The following RBFOX1 variants were observed in gnomAD, a reference collection of about 807,000 sequenced individuals.
RBFOX1 encodes the protein RNA binding fox-1 homolog 1.
In RBFOX1, 8 loss-of-function variants were observed where a neutral mutation model predicts 57.7. That is an observed-to-expected ratio of 0.14 (90% confidence interval 0.08 to 0.25). The LOEUF is 0.25. Among genes scored for constraint, RBFOX1 ranks in the 10% least tolerant of loss-of-function variants. The probability of loss-of-function intolerance (pLI) is 1.00; values close to 1 mark genes in which losing one functional copy is unlikely to be tolerated. For missense variants in RBFOX1, 611 were observed against 548.5 expected (o/e 1.11, Z -1.14); for synonymous variants, 326 against 222.4 (o/e 1.47, Z -4.15).
intron 2 of RBFOX1, among the ~76,000 whole-genome samples, chr16:6,569,653 C>T (rs1193548099): frequency 1.3e-5 from 2 of 152,190 alleles, no homozygotes; most frequent in African/African-American, 4.8e-5. Flanking sequence ...CCTTTCTGTC[C>T]ATGGGTGGTT....
chr16:6,597,704 C>A (rs1056228900), intron 2 of RBFOX1, among the ~76,000 whole-genome samples: 22 of 152,000 alleles, frequency 1.4e-4, no homozygotes, highest in Non-Finnish European at 1.9e-4. Context: ...AAACAGGGAC[C>A]CAATTCTGGC....
chr16:6,906,477 A>G (rs60384676), intron 3 of RBFOX1, among the ~76,000 whole-genome samples: 6,579 of 152,242 alleles, frequency 0.043, 498 homozygotes, highest in African/African-American at 0.15. Context: ...AATTTGAAAT[A>G]AGAGTGTATG....
intron 3 of RBFOX1, among the ~76,000 whole-genome samples, chr16:5,612,620 T>C (rs540769542): frequency 2.6e-5 from 4 of 152,190 alleles, no homozygotes; most frequent in Non-Finnish European, 5.9e-5. Context: ...TGAACTGAGC[T>C]CTCAAGGCCA....
chr16:5,662,280 C>T (rs1281620381), intron 3 of RBFOX1, among the ~76,000 whole-genome samples: 2 of 152,104 alleles, frequency 1.3e-5, no homozygotes, highest in African/African-American at 4.8e-5. Context: ...CTCCTTTATG[C>T]TCTTAGAACA....
At chr16:7,369,264 C>T (rs1324733473) in intron 4 of RBFOX1, among the ~76,000 whole-genome samples, 2 of 152,010 alleles carry the variant, frequency 1.3e-5, no homozygotes, top group African/African-American at 4.8e-5. Flanking sequence ...GTTCCTGCAG[C>T]TCTCGGGGGC....
intron 3 of RBFOX1, among the ~76,000 whole-genome samples, chr16:7,018,948 G>T (rs775047295): frequency 1.3e-5 from 2 of 152,034 alleles, no homozygotes; most frequent in African/African-American, 4.8e-5. Context: ...GTGAGACCTC[G>T]TCTCTACAAA....
chr16:7,090,496 TG>T (rs2060648715), intron 4 of RBFOX1, among the ~76,000 whole-genome samples: 1 of 152,202 alleles, frequency 6.6e-6, no homozygotes, highest in African/African-American at 2.4e-5. Context: ...AAAAATAGTG[TG>T]GCCCCATTAA....
intron 3 of RBFOX1, among the ~76,000 whole-genome samples, chr16:6,832,561 G>C (rs940153386): frequency 2.6e-5 from 4 of 152,200 alleles, no homozygotes; most frequent in African/African-American, 7.2e-5. Flanking sequence ...TGGGGTCTCA[G>C]GGGCTGGGTG....
intron 2 of RBFOX1, among the ~76,000 whole-genome samples, chr16:5,500,125 C>A (rs2043138080): frequency 6.9e-6 from 1 of 145,000 alleles, no homozygotes; most frequent in Admixed American, 6.8e-5. Flanking sequence ...TCCCTCCTTC[C>A]CTCCTTCCCT....
intron 3 of RBFOX1, among the ~76,000 whole-genome samples, chr16:6,708,449 G>T (rs1317992487): frequency 6.6e-6 from 1 of 152,114 alleles, no homozygotes; most frequent in East Asian, 1.9e-4. Flanking sequence ...TTTGTGAAAA[G>T]TGTTCCTTTC....
rs529014088 is a variant in RBFOX1 at position 7,710,058 on chromosome 16, A to G, written c.1072-565A>G. 334 of 1,001,858 alleles carry G rather than the reference A, an allele frequency of 3.3e-4. 3 individuals carry two copies. Among genetic ancestry groups the G allele is most frequent in the Admixed American group, 3.0e-4 (5 of 16,736 alleles). 62.1% of individuals were successfully genotyped at this position (1,001,858 alleles called of 1,614,324 possible). A position where few individuals can be genotyped will look rare whatever the true frequency, so the allele number is the denominator to read the frequency against. On this transcript the variant is annotated intron_variant, in intron 15 of 15. Coordinates refer to ENST00000550418, the MANE Select transcript of RBFOX1 (RefSeq NM_018723.4). ...GGACAGTTCACTGAAGCTCAGTCAT[A>G]GAAATTCAGCCATGATTTGGAAGCA...
chr16:5,723,468 C>T (rs2052013875), intron 3 of RBFOX1, among the ~76,000 whole-genome samples: 1 of 87,212 alleles, frequency 1.1e-5, no homozygotes, highest in South Asian at 7.8e-4. Flanking sequence ...GAGTAGTCAG[C>T]CCACAGGCAA....
rs561439512 is a variant in RBFOX1 at position 5,640,444 on chromosome 16, C to G, written c.318+41483C>G. On this transcript the variant is annotated intron_variant, in intron 3 of 19. Coordinates refer to the RBFOX1 transcript ENST00000641259. ...GCACACATACACATGCACATGAACA[C>G]CATGCATACACAGGCACACACACAT... Among the ~76,000 whole-genome samples the G allele has an allele frequency of 7.9e-5, 12 of 151,936 alleles. 1 individual carries two copies. The highest frequency in any genetic ancestry group is 2.9e-4 in the African/African-American group (12 of 41,346).
chr16:7,693,006 A>G (rs2077711721), intron 14 of RBFOX1, among the ~76,000 whole-genome samples: 1 of 152,208 alleles, frequency 6.6e-6, no homozygotes, highest in Non-Finnish European at 1.5e-5. Context: ...ATAGAAAGTC[A>G]TATGAGCACA....
At chr16:6,126,563 T>G (rs2096591214) in intron 1 of RBFOX1, among the ~76,000 whole-genome samples, 1 of 152,184 alleles carries the variant, frequency 6.6e-6, no homozygotes, top group Non-Finnish European at 1.5e-5. Flanking sequence ...CTATCTTCCA[T>G]ATGGCTTTAG....
intron 4 of RBFOX1, among the ~76,000 whole-genome samples, chr16:5,932,840 C>T (rs920001511): frequency 3.9e-5 from 6 of 151,984 alleles, no homozygotes; most frequent in African/African-American, 1.5e-4. Context: ...GCCCCAGTGC[C>T]TCACACCCGC....
chr16:6,654,548 A>G (rs777741196), intron 2 of RBFOX1, 55 bp from the exon 3 acceptor site: 82 of 1,375,170 alleles, frequency 6.0e-5, no homozygotes, highest in Non-Finnish European at 7.1e-5. Context: ...TTCTCTGACC[A>G]TAAGTCTGAC....
intron 4 of RBFOX1, among the ~76,000 whole-genome samples, chr16:7,370,581 C>T (rs1346974503): frequency 6.6e-6 from 1 of 152,228 alleles, no homozygotes. Flanking sequence ...TTCAGATGTG[C>T]TGCCTTGCAG....
chr16:6,470,446 G>C (rs2095147067), intron 2 of RBFOX1, among the ~76,000 whole-genome samples: 1 of 152,202 alleles, frequency 6.6e-6, no homozygotes, highest in Non-Finnish European at 1.5e-5. Flanking sequence ...AAGTTGATTA[G>C]CAACTGCATT....
Sources: gnomAD v4.1 joint callset for allele counts (sites outside exome capture counted in the v4.1 genomes callset) on GRCh38, gnomAD v4.1.1 for gene constraint, MANE v1.5 for transcripts, NCBI Gene and HGNC (gene_info 2026-07-23, HGNC 2026-07-21) for gene names.